The following PHF19 variants were observed in gnomAD, a reference collection of about 807,000 sequenced individuals.
PHF19 encodes polycomb like 3.
A neutral mutation model predicts 79.8 loss-of-function variants in PHF19; 21 were observed. That is an observed-to-expected ratio of 0.26 (90% CI 0.19 to 0.38). The LOEUF (loss-of-function observed/expected upper bound fraction) is 0.38, where lower values mean the gene tolerates loss of function less well. Ranked by LOEUF, PHF19 falls within the 10% of genes least tolerant of loss-of-function variation. The pLI is 1.00. For missense variants in PHF19, 445 were observed against 744.2 expected (o/e 0.60, Z 4.68); for synonymous variants, 273 against 296.3 (o/e 0.92, Z 0.81).
chr9:120,868,434 T>G (rs562476078), intron 6 of PHF19: 1 of 152,436 alleles, frequency 6.6e-6, no homozygotes, highest in South Asian at 2.1e-4. Context: ...CACCACATGA[T>G]GGGGAAACTA....
intron 3 of PHF19, among the ~76,000 whole-genome samples, chr9:120,871,749 G>T (rs923095502): frequency 1.3e-5 from 2 of 152,064 alleles, no homozygotes; most frequent in African/African-American, 4.8e-5. Context: ...GTAGAAATGG[G>T]ATCTCTTCGG....
intron 6 of PHF19, among the ~76,000 whole-genome samples, chr9:120,867,932 A>C (rs1212037322): frequency 2.0e-5 from 3 of 152,208 alleles, no homozygotes; most frequent in Non-Finnish European, 2.9e-5. Context: ...GGCTACATAG[A>C]GGCCCAGGTC....
chr9:120,893,774 T>C (rs558684175), intron 1 of PHF19, among the ~76,000 whole-genome samples: 28 of 152,312 alleles, frequency 1.8e-4, no homozygotes, highest in African/African-American at 5.5e-4. Flanking sequence ...TCTCTAATAC[T>C]GTTACGAGGG....
intron 1 of PHF19, among the ~76,000 whole-genome samples, chr9:120,882,544 T>C (rs542246000): frequency 8.7e-4 from 132 of 152,296 alleles, no homozygotes; most frequent in Non-Finnish European, 1.7e-3. Context: ...AGTTAGCCTA[T>C]ATGAAAGTGC....
rs190595989 is a variant in PHF19 at position 120,891,167 on chromosome 9, G to A, written c.42+3621C>T. ...GGCTGGGTTAGGTATCCCTGCTCAT[G>A]CCCCAGAGCGCCTGGGTTTCTGCTC... On this transcript the variant is annotated intron_variant, in intron 1 of 14. Transcript: ENST00000616568. This position sits in a 1 kb window ranked among gnomAD's most constrained non-coding sequence, Gnocchi z 4.3. 1.4e-3 allele frequency among the ~76,000 whole-genome samples: 214 copies of A among 152,244 alleles called. 3 individuals carry two copies. Among genetic ancestry groups the A allele is most frequent in the Admixed American group, 0.013 (202 of 15,292 alleles).
At position 120,891,629 on chromosome 9, in the gene PHF19, G is replaced by A. The variant is rs1207380287; in HGVS notation, c.42+3159C>T. 6.6e-6 allele frequency among the ~76,000 whole-genome samples: 1 copy of A among 152,188 alleles called. No individual in the cohort carries two copies. Among genetic ancestry groups the A allele is most frequent in the Non-Finnish European group, 1.5e-5 (1 of 68,042 alleles). On this transcript the variant is annotated intron_variant, in intron 1 of 14. Coordinates refer to the PHF19 transcript ENST00000616568. The surrounding 1 kb of genome is among the most constrained non-coding windows in gnomAD (Gnocchi z 4.3). ...AGCTGCACTCCAGGCACCTCGGGGA[G>A]TATAACCTTGAACTCGGAACCCCAC...
At chr9:120,875,076 C>T (rs1046698169) in intron 1 of PHF19, among the ~76,000 whole-genome samples, 1 of 152,176 alleles carries the variant, frequency 6.6e-6, no homozygotes, top group African/African-American at 2.4e-5. Flanking sequence ...TGAACCACTC[C>T]CTGTCTCAGG....
chr9:120,886,617 G>T (rs1415683425), intron 1 of PHF19, among the ~76,000 whole-genome samples: 1 of 152,182 alleles, frequency 6.6e-6, no homozygotes, highest in East Asian at 1.9e-4. Context: ...CCCTTCCACA[G>T]CCAGATGACC....
upstream of PHF19, among the ~76,000 whole-genome samples, chr9:120,880,849 A>G (rs1047670829): frequency 2.0e-5 from 3 of 151,840 alleles, no homozygotes; most frequent in African/African-American, 7.3e-5. Flanking sequence ...AGTCCCAGCT[A>G]CTTGGGAGAC....
rs531654668 is a variant in PHF19, at chr9:120,891,542, C to A, written c.42+3246G>T. On this transcript the variant is annotated intron_variant, in intron 1 of 14. Transcript: ENST00000616568. This position sits in a 1 kb window ranked among gnomAD's most constrained non-coding sequence, Gnocchi z 4.3. Reference sequence around the variant, plus strand: ...CTCCCCGGGTGGTTCAAGGTGCAGCCCAGGTGGAGCGCCACCATAATTTAC... The same window carrying A: ...CTCCCCGGGTGGTTCAAGGTGCAGCACAGGTGGAGCGCCACCATAATTTAC... Among the ~76,000 whole-genome samples the A allele has an allele frequency of 6.6e-6, 1 of 152,084 alleles. No individual in the cohort carries two copies. Among genetic ancestry groups the A allele is most frequent in the African/African-American group, 2.4e-5 (1 of 41,408 alleles).
chr9:120,864,645 T>C (rs1235679927), intron 9 of PHF19, among the ~76,000 whole-genome samples: 1 of 152,194 alleles, frequency 6.6e-6, no homozygotes, highest in Non-Finnish European at 1.5e-5. Flanking sequence ...ACCGCGCCAC[T>C]GCACTCCAGC....
chr9:120,875,631 C>CCATT (rs890200093), intron 1 of PHF19, among the ~76,000 whole-genome samples: 107 of 152,268 alleles, frequency 7.0e-4, no homozygotes, highest in Admixed American at 3.9e-3. Flanking sequence ...TTTGCTTGGG[C>CCATT]CATTCATTCA....
At chr9:120,894,943 C>A, upstream of PHF19, 1 of 456,180 alleles carries the variant, frequency 2.2e-6, no homozygotes, top group South Asian at 1.1e-4. Flanking sequence ...GCACACAGTC[C>A]GCCAGCCTCG....
chr9:120,861,740 T>C (rs1588091973), intron 12 of PHF19, among the ~76,000 whole-genome samples, 178 bp downstream of exon 12: 1 of 152,048 alleles, frequency 6.6e-6, no homozygotes. Context: ...CTGGGAGAAC[T>C]TGGGGGGAGA....
At chr9:120,880,410 G>C (rs1440201489), upstream of PHF19, among the ~76,000 whole-genome samples, 1 of 152,200 alleles carries the variant, frequency 6.6e-6, no homozygotes, top group Non-Finnish European at 1.5e-5. Context: ...CAGGAGAATT[G>C]TTTGAACCTG....
chr9:120,901,687 A>G, the PHF19 span, among the ~76,000 whole-genome samples: 1 of 152,154 alleles, frequency 6.6e-6, no homozygotes, highest in Non-Finnish European at 1.5e-5. Context: ...CCAAGTAAGG[A>G]GTGCACCTTA....
chr9:120,887,325 G>A (rs141642084), intron 1 of PHF19, among the ~76,000 whole-genome samples: 4,039 of 152,028 alleles, frequency 0.027, 165 homozygotes, highest in African/African-American at 0.092. Context: ...GTGGTGGCGC[G>A]TGCCTGTAAT....
At position 120,869,310 on chromosome 9, in the gene PHF19, C is replaced by G. The variant is rs1365842699; in HGVS notation, c.486G>C (p.Lys162Asn). 6.2e-7 allele frequency: 1 copy of G among 1,612,568 alleles called. No individual in the cohort carries two copies. The highest frequency in any genetic ancestry group is 2.2e-5 in the East Asian group (1 of 44,878). ...LAVRKGGALK[K>N]GAIARTLQAV... ...CCTGCAGCGTCCTGGCGATGGCGCC[C>G]TTCTTCAGCGCGCCGCCTTTCTGGG... The change falls in exon 6 of 15, where the codon AAG becomes AAC. Residue 162 changes from lysine to asparagine, a missense_variant. This residue lies in a region of PHF19 where 167 missense variants were observed against 375.8 expected (regional missense o/e 0.44). Coordinates refer to ENST00000373896, the MANE Select transcript of PHF19 (RefSeq NM_015651.3). The surrounding 1 kb of genome is among the most constrained non-coding windows in gnomAD (Gnocchi z 5.8).
At chr9:120,878,811 A>G (rs114017526), upstream of PHF19, among the ~76,000 whole-genome samples, 1,142 of 152,340 alleles carry the variant, frequency 7.5e-3, 19 homozygotes, top group African/African-American at 0.026. Flanking sequence ...CCAATCCTGG[A>G]GAGCACATTT....
Sources: allele counts gnomAD v4.1 joint callset (sites outside exome capture counted in the v4.1 genomes callset), GRCh38; gene constraint gnomAD v4.1.1; regional missense constraint gnomAD v4.1.1; non-coding constraint Gnocchi (gnomAD v3.1); transcripts MANE v1.5; gene names NCBI Gene and HGNC (gene_info 2026-07-23, HGNC 2026-07-21).